Variants in CYBB observed in about 807,000 individuals in gnomAD.
CYBB encodes NADPH oxidase 2.
CYBB carries 5 observed loss-of-function variants against 46.5 expected under a neutral mutation model. The observed-to-expected ratio is 0.11, with a 90% CI of 0.06 to 0.23. CYBB has a LOEUF of 0.23. CYBB is among the 10% of genes least tolerant of loss of function. The pLI, the probability that CYBB is intolerant of heterozygous loss-of-function variation, is 1.00. For synonymous variants in CYBB, 183 were observed against 156.7 expected (o/e 1.17, Z -1.26); for missense variants, 307 against 428.3 (o/e 0.72, Z 2.50).
intron 8 of CYBB, among the ~76,000 whole-genome samples, chrX:37,802,248 A>G (rs1214945914): frequency 9.0e-6 from 1 of 111,298 alleles, no homozygotes; most frequent in African/African-American, 3.3e-5. Context: ...GGAAACCACA[A>G]CAGTTCTCCT....
intron 8 of CYBB, among the ~76,000 whole-genome samples, chrX:37,802,951 T>TA (rs1274627310): frequency 8.9e-6 from 1 of 112,269 alleles, no homozygotes; most frequent in Non-Finnish European, 1.9e-5. Context: ...TTCTATTTTT[T>TA]AAAAAAATTA....
At chrX:37,788,311 A>G (rs1929119853) in intron 3 of CYBB, among the ~76,000 whole-genome samples, 1 of 112,064 alleles carries the variant, frequency 8.9e-6, no homozygotes, top group Admixed American at 9.5e-5. Context: ...GGATTTGTCA[A>G]CAAATAGAAA....
At chrX:37,798,906 A>G (rs1556469129) in intron 6 of CYBB, 49 bp from the exon 7 acceptor site, 2 of 1,142,637 alleles carry the variant, frequency 1.8e-6, no homozygotes, top group South Asian at 1.9e-5. Context: ...TTAATAAAAC[A>G]ATTTAATTTC....
At chrX:37,784,183 G>A (rs1272753207) in intron 3 of CYBB, among the ~76,000 whole-genome samples, 1 of 111,567 alleles carries the variant, frequency 9.0e-6, no homozygotes, top group Non-Finnish European at 1.9e-5. Flanking sequence ...AAATAAGTAG[G>A]AAGAATCTCT....
At chrX:37,810,446 G>T (rs28667482) in intron 12 of CYBB, among the ~76,000 whole-genome samples, 5,010 of 112,101 alleles carry the variant, frequency 0.045, 309 homozygotes, top group African/African-American at 0.15. Flanking sequence ...TAGTTAGCTT[G>T]TTCCTAATTT....
intron 8 of CYBB, among the ~76,000 whole-genome samples, chrX:37,803,404 C>T (rs1556470593): frequency 9.0e-6 from 1 of 110,547 alleles, no homozygotes; most frequent in Non-Finnish European, 1.9e-5. Flanking sequence ...TTTTTGACTT[C>T]TGAGAGGAAA....
At chrX:37,802,124 AT>A (rs1357235699) in intron 8 of CYBB, among the ~76,000 whole-genome samples, 2 of 112,060 alleles carry the variant, frequency 1.8e-5, no homozygotes, top group East Asian at 5.6e-4. Context: ...ACTGTGGGTT[AT>A]TTTTGCAAAA....
intron 3 of CYBB, among the ~76,000 whole-genome samples, chrX:37,785,897 C>T (rs1414062722): frequency 9.0e-6 from 1 of 111,575 alleles, no homozygotes; most frequent in Admixed American, 9.5e-5. Context: ...ATGAGCAGCA[C>T]ATGTTGTAAT....
Position 37,804,192 on chromosome X carries a change from C to T in CYBB, c.1151+62C>T, listed in dbSNP as rs1485967789. ...TCAGGAAAAATGGCACTAAATAGCT[C>T]CTCTTCCTCCATGTTTTACTAAGTC... is the stretch of plus-strand genomic sequence containing the variant. On this transcript the variant is annotated intron_variant, in intron 9 of 12. Coordinates refer to ENST00000378588, the MANE Select transcript of CYBB (RefSeq NM_000397.4). The T allele has an allele frequency of 6.4e-6, 7 of 1,087,947 alleles. No homozygotes were observed. The African/African-American group carries it at 7.3e-5, about 11-fold the overall frequency. 89.7% of individuals were successfully genotyped at this position (1,087,947 alleles called of 1,213,427 possible). A position where few individuals can be genotyped will look rare whatever the true frequency, so the allele number is the denominator to read the frequency against.
chrX:37,807,654 A>G (rs1209676949), intron 11 of CYBB, among the ~76,000 whole-genome samples: 1 of 111,281 alleles, frequency 9.0e-6, no homozygotes, highest in African/African-American at 3.3e-5. Context: ...TCCTTTCAGC[A>G]TCTTGCAGTA....
At chrX:37,797,575 G>GA (rs1446283175) in intron 6 of CYBB, among the ~76,000 whole-genome samples, 1 of 111,851 alleles carries the variant, frequency 8.9e-6, no homozygotes, top group Admixed American at 9.5e-5. Context: ...AAGAGAAGGA[G>GA]AAAATCAGAT....
At chrX:37,789,755 A>C (rs900582554) in intron 3 of CYBB, among the ~76,000 whole-genome samples, 1 of 112,267 alleles carries the variant, frequency 8.9e-6, no homozygotes, top group Non-Finnish European at 1.9e-5. Flanking sequence ...CAAAAACATT[A>C]AGTTTGAAAA....
chrX:37,781,091 T>C, intron 1 of CYBB, among the ~76,000 whole-genome samples: 1 of 112,614 alleles, frequency 8.9e-6, no homozygotes, highest in Non-Finnish European at 1.9e-5. Context: ...TAAAAAATGT[T>C]TACGCCAAAC....
At chrX:37,783,902 T>C (rs1161893704) in intron 3 of CYBB, among the ~76,000 whole-genome samples, 1 of 111,585 alleles carries the variant, frequency 9.0e-6, no homozygotes, top group African/African-American at 3.3e-5. Flanking sequence ...GATATGCATA[T>C]ATACAGAGCT....
At chrX:37,806,337 T>C in intron 10 of CYBB, 50 bp from the exon 11 acceptor site, 1 of 1,184,867 alleles carries the variant, frequency 8.4e-7, no homozygotes, top group Non-Finnish European at 1.1e-6. Flanking sequence ...ATGGTAATGC[T>C]GATAGGGCCT....
At chrX:37,781,828 T>C (rs1556464510) in intron 1 of CYBB, among the ~76,000 whole-genome samples, 3 of 111,738 alleles carry the variant, frequency 2.7e-5, no homozygotes, top group Non-Finnish European at 5.6e-5. Flanking sequence ...AGTGGGGTAA[T>C]GTAAGACTGA....
chrX:37,784,805 A>G (rs965354880), intron 3 of CYBB, among the ~76,000 whole-genome samples: 2 of 112,032 alleles, frequency 1.8e-5, no homozygotes, highest in Admixed American at 1.9e-4. Context: ...GAATGTAGGG[A>G]TTGTACAGGG....
intron 9 of CYBB, 130 bp from the exon 10 acceptor site, chrX:37,804,876 G>A (rs1361766846): frequency 1.4e-6 from 1 of 690,855 alleles, no homozygotes; most frequent in Non-Finnish European, 2.2e-6. Flanking sequence ...TTTCATAGAA[G>A]GAAGCACCCA....
At chrX:37,796,668 A>AT (rs1470276788) in intron 6 of CYBB, among the ~76,000 whole-genome samples, 1 of 112,223 alleles carries the variant, frequency 8.9e-6, no homozygotes, top group Non-Finnish European at 1.9e-5. Context: ...ACATTCTAAT[A>AT]TAATGAAAGT....
Sources: allele counts gnomAD v4.1 joint callset (sites outside exome capture counted in the v4.1 genomes callset), GRCh38; gene constraint gnomAD v4.1.1; transcripts MANE v1.5; gene names NCBI Gene and HGNC (gene_info 2026-07-23, HGNC 2026-07-21).